CTPS2: variants seen among roughly 807,000 people sequenced by gnomAD.
CTPS2 encodes CTP synthase II.
In CTPS2, 19 loss-of-function variants were observed where a neutral mutation model predicts 46.8. The observed-to-expected ratio is 0.41, with a 90% CI of 0.28 to 0.60. The LOEUF (loss-of-function observed/expected upper bound fraction) is 0.60, where lower values mean the gene tolerates loss of function less well. CTPS2 is among the 20% of genes least tolerant of loss of function. The probability of loss-of-function intolerance (pLI) is 0.35; values close to 1 mark genes in which losing one functional copy is unlikely to be tolerated. For synonymous variants in CTPS2, 151 were observed against 165.2 expected (o/e 0.91, Z 0.66); for missense variants, 286 against 447.6 (o/e 0.64, Z 3.26).
chrX:16,692,259 A>G (rs1256909253), intron 6 of CTPS2, among the ~76,000 whole-genome samples: 1 of 109,796 alleles, frequency 9.1e-6, no homozygotes, highest in Non-Finnish European at 1.9e-5. Context: ...CCTCAGTAAC[A>G]TAGCAAAACC....
At chrX:16,702,418 A>G (rs907283020) in intron 2 of CTPS2, among the ~76,000 whole-genome samples, 1 of 112,386 alleles carries the variant, frequency 8.9e-6, no homozygotes, top group African/African-American at 3.2e-5. Context: ...AATCAAATAT[A>G]CTCATACATC....
intron 14 of CTPS2, among the ~76,000 whole-genome samples, chrX:16,625,700 G>A (rs1213607999): frequency 9.3e-6 from 1 of 107,929 alleles, no homozygotes; most frequent in African/African-American, 3.6e-5. Context: ...AGTGGTGGAG[G>A]TGGCTCTCAG....
chrX:16,626,775 C>G (rs1267008194), intron 14 of CTPS2, among the ~76,000 whole-genome samples: 1 of 110,340 alleles, frequency 9.1e-6, no homozygotes, highest in African/African-American at 3.3e-5. Flanking sequence ...CACCCTTCCC[C>G]TTCTGTGACC....
intron 13 of CTPS2, among the ~76,000 whole-genome samples, chrX:16,651,940 A>G (rs1316061115): frequency 9.1e-6 from 1 of 109,814 alleles, no homozygotes; most frequent in Non-Finnish European, 1.9e-5. Context: ...GACCACTGAA[A>G]CGTGTTCTTG....
chrX:16,674,711 G>A (rs1356074637), intron 10 of CTPS2, among the ~76,000 whole-genome samples: 6 of 106,721 alleles, frequency 5.6e-5, no homozygotes, highest in African/African-American at 1.4e-4. Flanking sequence ...GGTGGCAGGC[G>A]CCTGTAGTCC....
chrX:16,693,479 G>A lies in CTPS2; in HGVS notation c.447C>T (p.Gly149=), dbSNP rs143532119. The A allele has an allele frequency of 2.5e-6, 3 of 1,182,878 alleles. No homozygotes were observed. The African/African-American group carries it at 5.3e-5, about 21-fold the overall frequency. ...GCATTCCTTCGATGTCTCCAATGGT[G>A]CCTCCCAGCTGGGAATGGAAAACAA... The part of the protein sequence containing the change: ...EPQICVIELG[G]TIGDIEGMPF... Residue 149 remains glycine (G), a synonymous_variant, in exon 5 of 19, where the codon GGC becomes GGT. Coordinates refer to ENST00000359276, the MANE Select transcript of CTPS2 (RefSeq NM_175859.3).
chrX:16,624,227 C>T (rs1225113906), intron 14 of CTPS2, among the ~76,000 whole-genome samples: 1 of 111,809 alleles, frequency 8.9e-6, no homozygotes, highest in Admixed American at 9.5e-5. Context: ...CTATTTTATG[C>T]ATTCAAAATC....
chrX:16,651,262 G>A, intron 13 of CTPS2: 1 of 672,683 alleles, frequency 1.5e-6, no homozygotes, highest in Non-Finnish European at 2.3e-6. Context: ...ACATGCAGGT[G>A]GGGTTTCTTC....
At chrX:16,664,362 T>C (rs916606910) in intron 13 of CTPS2, among the ~76,000 whole-genome samples, 12 of 111,630 alleles carry the variant, frequency 1.1e-4, no homozygotes, top group African/African-American at 3.6e-4. Context: ...CCTTCATTGG[T>C]ATTAGGCCTT....
At chrX:16,592,368 T>C (rs1467835434) in intron 17 of CTPS2, among the ~76,000 whole-genome samples, 1 of 112,187 alleles carries the variant, frequency 8.9e-6, no homozygotes, top group Non-Finnish European at 1.9e-5. Context: ...TCTAGCAACA[T>C]GAAAGGACTA....
chrX:16,597,086 G>C (rs1313974890), intron 17 of CTPS2, among the ~76,000 whole-genome samples: 1 of 109,984 alleles, frequency 9.1e-6, no homozygotes, highest in African/African-American at 3.3e-5. Context: ...GTAGATTCTG[G>C]ATATTAGCCC....
intron 17 of CTPS2, among the ~76,000 whole-genome samples, chrX:16,602,582 G>A (rs931494249): frequency 1.8e-5 from 2 of 111,948 alleles, no homozygotes; most frequent in Non-Finnish European, 3.8e-5. Flanking sequence ...AGTGAATGGT[G>A]AAGTGTGCAG....
intron 13 of CTPS2, among the ~76,000 whole-genome samples, chrX:16,646,356 C>T (rs1932319856): frequency 8.9e-6 from 1 of 112,365 alleles, no homozygotes; most frequent in Non-Finnish European, 1.9e-5. Context: ...GCATCCACTT[C>T]ATAAAGTTGC....
intron 16 of CTPS2, among the ~76,000 whole-genome samples, chrX:16,615,346 A>C (rs1930477868): frequency 9.0e-6 from 1 of 111,376 alleles, no homozygotes; most frequent in South Asian, 3.8e-4. Flanking sequence ...CTCAAAAAAA[A>C]TAAAAATTAA....
At chrX:16,638,835 C>T in intron 14 of CTPS2, 1 of 429,302 alleles carries the variant, frequency 2.3e-6, no homozygotes, top group Middle Eastern at 4.0e-4. Context: ...GTCCAAGTCC[C>T]AGTCCAAGTT....
intron 8 of CTPS2, among the ~76,000 whole-genome samples, chrX:16,685,740 G>A (rs1355548347): frequency 1.9e-5 from 2 of 106,805 alleles, no homozygotes; most frequent in African/African-American, 3.4e-5. Context: ...GGTGGTGGGC[G>A]CCTGTAGTCC....
chrX:16,647,173 G>A (rs771446667), intron 13 of CTPS2, among the ~76,000 whole-genome samples: 3 of 108,414 alleles, frequency 2.8e-5, no homozygotes, highest in Non-Finnish European at 5.7e-5. Flanking sequence ...TTAAGAAGCC[G>A]CACAGGCTGT....
At chrX:16,636,373 C>T (rs1931748486) in intron 14 of CTPS2, among the ~76,000 whole-genome samples, 1 of 111,433 alleles carries the variant, frequency 9.0e-6, no homozygotes, top group African/African-American at 3.3e-5. Context: ...CCAGCCTGGG[C>T]AACAGAGTGA....
intron 10 of CTPS2, 103 bp from the exon 11 acceptor site, chrX:16,670,777 T>C (rs1397795925): frequency 2.8e-5 from 14 of 494,834 alleles, no homozygotes; most frequent in African/African-American, 7.3e-5. Context: ...CTAGTGACTA[T>C]GCTCAAGCTC....
Sources: gnomAD v4.1 joint callset for allele counts (sites outside exome capture counted in the v4.1 genomes callset) on GRCh38, gnomAD v4.1.1 for gene constraint, MANE v1.5 for transcripts, NCBI Gene and HGNC (gene_info 2026-07-23, HGNC 2026-07-21) for gene names.